Variants in KIRREL3 observed in about 807,000 individuals in gnomAD.
The protein encoded by KIRREL3 is kin of IRRE-like protein 3.
A neutral mutation model predicts 89.7 loss-of-function variants in KIRREL3; 36 were observed. The ratio of observed to expected loss-of-function variants is 0.40; its 90% CI spans 0.31 to 0.53. The LOEUF (loss-of-function observed/expected upper bound fraction) is 0.53, where lower values mean the gene tolerates loss of function less well. Among genes scored for constraint, KIRREL3 ranks in the 20% least tolerant of loss-of-function variants. KIRREL3 has a pLI of 0.49. For missense variants in KIRREL3, 864 were observed against 1,056.6 expected (o/e 0.82, Z 2.53); for synonymous variants, 445 against 441.4 (o/e 1.01, Z -0.10).
In KIRREL3 at chr11:126,925,105, G is replaced by T. The variant is rs894713706; in HGVS notation, c.55+75350C>A. ...CCTCACCATAAAAAGGTCGGGGGGGGGGGGGGGCTGTTGGTCACAGGATTG... is the reference window on the plus strand; with the variant it reads ...CCTCACCATAAAAAGGTCGGGGGGGTGGGGGGGCTGTTGGTCACAGGATTG... On this transcript the variant is annotated intron_variant, in intron 1 of 16. Transcript: ENST00000525144. Among the ~76,000 whole-genome samples the T allele has an allele frequency of 8.0e-5, 12 of 149,184 alleles. No individual in the cohort carries two copies. In the East Asian group the frequency reaches 1.0e-3, roughly 13 times the overall value.
At position 126,682,518 on chromosome 11, in the gene KIRREL3, C is replaced by T. The variant is rs949326638; in HGVS notation, c.56-119606G>A. 3.9e-5 allele frequency among the ~76,000 whole-genome samples: 6 copies of T among 152,060 alleles called. No homozygotes were observed. Among genetic ancestry groups the T allele is most frequent in the African/African-American group, 7.2e-5 (3 of 41,404 alleles). On this transcript the variant is annotated intron_variant, in intron 1 of 16. Coordinates refer to ENST00000525144, the MANE Select transcript of KIRREL3 (RefSeq NM_032531.4). The surrounding 1 kb of genome is among the most constrained non-coding windows in gnomAD (Gnocchi z 4.8). ...TCAAATGAGTGATGACCTCTGAGTG[C>T]GGAGCTTTTTTGTCAATTTTTTAAA...
chr11:126,961,124 G>A (rs923814187), intron 1 of KIRREL3, among the ~76,000 whole-genome samples: 18 of 152,230 alleles, frequency 1.2e-4, no homozygotes, highest in South Asian at 1.0e-3. Context: ...TATTCCATGA[G>A]ACACAACTAT....
intron 1 of KIRREL3, among the ~76,000 whole-genome samples, chr11:126,688,814 C>G (rs929409554): frequency 6.6e-6 from 1 of 152,042 alleles, no homozygotes; most frequent in African/African-American, 2.4e-5. Flanking sequence ...TTCTAAAAGA[C>G]TGAGAGATGA....
chr11:126,682,258 T>C lies in KIRREL3; in HGVS notation c.56-119346A>G, dbSNP rs1946491582. Among the ~76,000 whole-genome samples the C allele has an allele frequency of 6.6e-6, 1 of 152,188 alleles. No homozygotes were observed. Among genetic ancestry groups the C allele is most frequent in the Non-Finnish European group, 1.5e-5 (1 of 68,036 alleles). ...AACACTTCTTAAATGTGTTCCCTCC[T>C]ATGCATTCTGCTATGCATAGTCGCC... On this transcript the variant is annotated intron_variant, in intron 1 of 16. Transcript: ENST00000525144. The surrounding 1 kb of genome is among the most constrained non-coding windows in gnomAD (Gnocchi z 4.8).
chr11:126,835,971 C>G (rs1005161887), intron 1 of KIRREL3, among the ~76,000 whole-genome samples: 2 of 152,098 alleles, frequency 1.3e-5, no homozygotes, highest in Non-Finnish European at 2.9e-5. Flanking sequence ...TAAGCTGCCC[C>G]GTCTTTGACG....
At chr11:126,494,659 T>C (rs1277422573) in intron 4 of KIRREL3, among the ~76,000 whole-genome samples, 2 of 152,262 alleles carry the variant, frequency 1.3e-5, no homozygotes, top group Admixed American at 6.5e-5. Flanking sequence ...TTTTATTCTG[T>C]TCCCAGAGAG....
At position 126,429,571 on chromosome 11, in the gene KIRREL3, G is replaced by A. The variant is rs372656566; in HGVS notation, c.1697-283C>T. Among the ~76,000 whole-genome samples the A allele has an allele frequency of 1.7e-3, 264 of 152,274 alleles. No individual in the cohort carries two copies. Among genetic ancestry groups the A allele is most frequent in the Admixed American group, 3.1e-3 (48 of 15,292 alleles). On this transcript the variant is annotated intron_variant, in intron 14 of 16. Coordinates refer to ENST00000525144, the MANE Select transcript of KIRREL3 (RefSeq NM_032531.4). This position sits in a 1 kb window ranked among gnomAD's most constrained non-coding sequence, Gnocchi z 5.2. ...AAAGATCGTCTTCAGCCACTTGTCCGCCTTACTGAGCTAGGTCCTTTTCAT... is the reference window on the plus strand; with the variant it reads ...AAAGATCGTCTTCAGCCACTTGTCCACCTTACTGAGCTAGGTCCTTTTCAT...
rs957741936 is a variant in KIRREL3 at position 126,513,283 on chromosome 11, G to A, written c.433+8032C>T. On this transcript the variant is annotated intron_variant, in intron 4 of 16. Transcript: ENST00000525144. This position sits in a 1 kb window ranked among gnomAD's most constrained non-coding sequence, Gnocchi z 5.9. The stretch of plus-strand genomic sequence containing the variant: ...GGTATGGGGGCTGGCCCTGGGCATG[G>A]TCATTTGGGAAGCTACCCCCAGATT... 6.6e-6 allele frequency among the ~76,000 whole-genome samples: 1 copy of A among 152,156 alleles called. No homozygotes were observed. The highest frequency in any genetic ancestry group is 1.5e-5 in the Non-Finnish European group (1 of 68,020).
intron 1 of KIRREL3, among the ~76,000 whole-genome samples, chr11:126,932,915 T>C (rs1307854537): frequency 6.6e-6 from 1 of 152,204 alleles, no homozygotes; most frequent in Non-Finnish European, 1.5e-5. Context: ...AGCCAATGCA[T>C]GTTAAATAAT....
rs1218490821 is a variant in KIRREL3, at chr11:126,931,075, T to G, written c.55+69380A>C. On this transcript the variant is annotated intron_variant, in intron 1 of 16. Coordinates refer to ENST00000525144, the MANE Select transcript of KIRREL3 (RefSeq NM_032531.4). The surrounding 1 kb of genome is among the most constrained non-coding windows in gnomAD (Gnocchi z 5.1). ...CTTCTCTCAGAAAGCTTTGGGCAGT[T>G]GGATACCCTACCTGTGAGTTCCCAC... Among the ~76,000 whole-genome samples the G allele has an allele frequency of 6.6e-6, 1 of 152,192 alleles. No individual in the cohort carries two copies. Among genetic ancestry groups the G allele is most frequent in the African/African-American group, 2.4e-5 (1 of 41,452 alleles).
Position 126,526,462 on chromosome 11 carries a change from G to C in KIRREL3, c.283+76C>G. The stretch of plus-strand genomic sequence containing the variant: ...TACTCAGACACCTGTGAAGATGGGT[G>C]CTCCCTAGGAAGGTGGATGGGTGAG... On this transcript the variant is annotated intron_variant, in intron 3 of 16. Coordinates refer to ENST00000525144, the MANE Select transcript of KIRREL3 (RefSeq NM_032531.4). This position sits in a 1 kb window ranked among gnomAD's most constrained non-coding sequence, Gnocchi z 5.7. 1 of 1,397,256 alleles carries C rather than the reference G, an allele frequency of 7.2e-7. No homozygotes were observed. Among genetic ancestry groups the C allele is most frequent in the Non-Finnish European group, 9.9e-7 (1 of 1,015,068 alleles). The allele number at this position is 1,397,256 out of a possible 1,614,324, so 86.6% of individuals were successfully genotyped here. A position where few individuals can be genotyped will look rare whatever the true frequency, so the allele number is the denominator to read the frequency against.
intron 1 of KIRREL3, among the ~76,000 whole-genome samples, chr11:126,810,109 G>A (rs375441479): frequency 7.2e-5 from 11 of 152,182 alleles, no homozygotes; most frequent in African/African-American, 2.7e-4. Context: ...GCAAAGTGAA[G>A]GATGATGGGG....
rs1290764967 is a variant in KIRREL3 at position 126,476,493 on chromosome 11, G to A, written c.434-3027C>T. Among the ~76,000 whole-genome samples, 2 of 152,200 alleles carry A rather than the reference G, an allele frequency of 1.3e-5. No individual in the cohort carries two copies. The highest frequency in any genetic ancestry group is 2.9e-5 in the Non-Finnish European group (2 of 68,040). ...AGCGAGGACGAGGGAGGAGGGAGTG[G>A]GGCGTGTTGTGGGAGTGCTCAGGCA... is the stretch of plus-strand genomic sequence containing the variant. On this transcript the variant is annotated intron_variant, in intron 4 of 16. Transcript: ENST00000525144. The surrounding 1 kb of genome is among the most constrained non-coding windows in gnomAD (Gnocchi z 6.4).
At position 126,923,176 on chromosome 11, in the gene KIRREL3, C is replaced by CTTCTTCTTCTTCTTCTTT. The variant is rs766266024; in HGVS notation, c.55+77278_55+77279insAAAGAAGAAGAAGAAGAA. Among the ~76,000 whole-genome samples the CTTCTTCTTCTTCTTCTTT allele has an allele frequency of 3.9e-3, 71 of 17,996 alleles. 18 individuals are homozygous for CTTCTTCTTCTTCTTCTTT. The highest frequency in any genetic ancestry group is 9.2e-3 in the East Asian group (8 of 868). The allele number at this position is 17,996 out of a possible 152,430, so 11.8% of individuals were successfully genotyped here. ...TCTTCTTCTTCTTCTTCTTCTTCTT[C>CTTCTTCTTCTTCTTCTTT]TCTTCTTCTTCTCTTCTTCTTCTTC... On this transcript the variant is annotated intron_variant, in intron 1 of 16. Transcript: ENST00000525144.
rs935018255 is a variant in KIRREL3, at chr11:126,490,958, C to T, written c.434-17492G>A. 5.9e-5 allele frequency among the ~76,000 whole-genome samples: 9 copies of T among 152,150 alleles called. No homozygotes were observed. Among genetic ancestry groups the T allele is most frequent in the Non-Finnish European group, 7.3e-5 (5 of 68,034 alleles). On this transcript the variant is annotated intron_variant, in intron 4 of 16. Coordinates refer to ENST00000525144, the MANE Select transcript of KIRREL3 (RefSeq NM_032531.4). This position sits in a 1 kb window ranked among gnomAD's most constrained non-coding sequence, Gnocchi z 4.2. ...CCTGAGGATCCACAGCCCACCTGCA[C>T]GAGGAGGGGGCGTTTGGAGGGTGGA...
chr11:126,538,352 T>A (rs973247186), intron 2 of KIRREL3, among the ~76,000 whole-genome samples: 4 of 152,134 alleles, frequency 2.6e-5, no homozygotes, highest in Non-Finnish European at 5.9e-5. Context: ...TCTTATGAGA[T>A]TAAGGGAAGC....
At chr11:126,938,431 G>T (rs533703445) in intron 1 of KIRREL3, among the ~76,000 whole-genome samples, 46 of 152,194 alleles carry the variant, frequency 3.0e-4, no homozygotes, top group South Asian at 1.7e-3. Context: ...GCACAGTAAG[G>T]CTAAGAAAGG....
intron 1 of KIRREL3, among the ~76,000 whole-genome samples, chr11:126,831,880 G>C (rs1260876551): frequency 6.6e-6 from 1 of 152,138 alleles, no homozygotes; most frequent in Non-Finnish European, 1.5e-5. Context: ...CTGAGCATTT[G>C]GAATGTCTCA....
chr11:126,950,929 C>A (rs547151658), intron 1 of KIRREL3, among the ~76,000 whole-genome samples: 1 of 152,224 alleles, frequency 6.6e-6, no homozygotes, highest in Non-Finnish European at 1.5e-5. Context: ...ATTATTTCTG[C>A]CCCAAGAGGG....
Sources: allele counts gnomAD v4.1 joint callset (sites outside exome capture counted in the v4.1 genomes callset), GRCh38; gene constraint gnomAD v4.1.1; non-coding constraint Gnocchi (gnomAD v3.1); transcripts MANE v1.5; gene names NCBI Gene and HGNC (gene_info 2026-07-23, HGNC 2026-07-21).